The following VMP1 variants were observed in gnomAD, a reference collection of about 807,000 sequenced individuals.
VMP1 encodes the protein ectopic P-granules autophagy protein 3 homolog.
In VMP1, 11 loss-of-function variants were observed where a neutral mutation model predicts 56.0. That is an observed-to-expected ratio of 0.20 (90% CI 0.12 to 0.32). The LOEUF is 0.32. VMP1 is among the 10% of genes least tolerant of loss of function. The probability of loss-of-function intolerance (pLI) is 1.00; values close to 1 mark genes in which losing one functional copy is unlikely to be tolerated. For missense variants in VMP1, 296 were observed against 490.3 expected, an observed-to-expected ratio of 0.60 and a Z score of 3.74; for synonymous variants, 149 against 165.0, an observed-to-expected ratio of 0.90 and a Z score of 0.74.
At chr17:59,814,944 A>C (rs768557874) in intron 9 of VMP1, among the ~76,000 whole-genome samples, 7 of 152,180 alleles carry the variant, frequency 4.6e-5, no homozygotes, top group Non-Finnish European at 8.8e-5. Flanking sequence ...AAACAATATT[A>C]GTAATATAAA....
At chr17:59,723,639 T>C (rs2034483127) in intron 1 of VMP1, among the ~76,000 whole-genome samples, 1 of 152,188 alleles carries the variant, frequency 6.6e-6, no homozygotes, top group African/African-American at 2.4e-5. Context: ...TTTTGAGCAC[T>C]GTTTATGAAG....
At chr17:59,776,598 A>C (rs1017089076) in intron 7 of VMP1, among the ~76,000 whole-genome samples, 2 of 152,164 alleles carry the variant, frequency 1.3e-5, no homozygotes, top group Non-Finnish European at 2.9e-5. Flanking sequence ...TTACTTCCCA[A>C]ATTTCACATA....
chr17:59,807,288 C>T (rs924786397), intron 7 of VMP1, among the ~76,000 whole-genome samples: 5 of 151,102 alleles, frequency 3.3e-5, no homozygotes, highest in Non-Finnish European at 7.4e-5. Context: ...AACTCTGCCT[C>T]CCGGGTTTGC....
intron 10 of VMP1, among the ~76,000 whole-genome samples, chr17:59,835,417 G>A (rs2038948689): frequency 6.6e-6 from 1 of 151,906 alleles, no homozygotes; most frequent in South Asian, 2.1e-4. Flanking sequence ...GTGAGCCACT[G>A]CACCTGGCCA....
At chr17:59,710,415 T>TA (rs2033871447) in intron 1 of VMP1, among the ~76,000 whole-genome samples, 1 of 152,218 alleles carries the variant, frequency 6.6e-6, no homozygotes, top group Admixed American at 6.5e-5. Context: ...AACAAGGTTG[T>TA]ATCCAGGCAT....
At chr17:59,839,618 A>T in intron 11 of VMP1, 150 bp from the exon 12 acceptor site, 2 of 902,580 alleles carry the variant, frequency 2.2e-6, no homozygotes, top group South Asian at 1.8e-5. Flanking sequence ...AGAGTAATGG[A>T]GATTTCAGAG....
At chr17:59,729,726 C>A (rs1336908104) in intron 1 of VMP1, 1 of 145,940 alleles carries the variant, frequency 6.9e-6, no homozygotes, top group Non-Finnish European at 1.5e-5. Flanking sequence ...GTTCCTGTCA[C>A]CCAGGCTGGA....
chr17:59,816,953 A>C (rs2038257136), intron 9 of VMP1, among the ~76,000 whole-genome samples: 2 of 147,420 alleles, frequency 1.4e-5, no homozygotes, highest in Non-Finnish European at 3.0e-5. Context: ...CTCAAAAAAA[A>C]AAAAAGAAAA....
chr17:59,729,418 G>A (rs2034733208), intron 1 of VMP1, among the ~76,000 whole-genome samples: 1 of 150,868 alleles, frequency 6.6e-6, no homozygotes, highest in Non-Finnish European at 1.5e-5. Context: ...GGGAGGCAGA[G>A]GTTGCAGTGA....
intron 5 of VMP1, among the ~76,000 whole-genome samples, chr17:59,763,567 G>A (rs1033779428): frequency 1.3e-5 from 2 of 151,958 alleles, no homozygotes; most frequent in Admixed American, 1.3e-4. Context: ...AGAAAATGCC[G>A]ATTCTATTTA....
chr17:59,802,690 T>C (rs941375179), intron 7 of VMP1, among the ~76,000 whole-genome samples: 8 of 151,786 alleles, frequency 5.3e-5, no homozygotes, highest in Admixed American at 3.9e-4. Context: ...CTAGGCCTCC[T>C]GAGTAGCTAG....
chr17:59,743,848 A>C (rs2035319500), intron 5 of VMP1, among the ~76,000 whole-genome samples: 1 of 151,990 alleles, frequency 6.6e-6, no homozygotes, highest in Non-Finnish European at 1.5e-5. Context: ...CTGTGAACAA[A>C]GACAGTTTTT....
chr17:59,763,463 G>A (rs973946912), intron 5 of VMP1, among the ~76,000 whole-genome samples: 10 of 151,924 alleles, frequency 6.6e-5, no homozygotes, highest in Non-Finnish European at 1.3e-4. Flanking sequence ...GAGGAACAAA[G>A]GCTAAAACTT....
At position 59,738,060 on chromosome 17, in the gene VMP1, C is replaced by T. The variant is rs550498483; in HGVS notation, c.303+517C>T. ...ATGCTGGGATTACAGGCCACTCTGC[C>T]TGTAATCAAAGATTTAAATGTAACT... On this transcript the variant is annotated intron_variant, in intron 4 of 11. Coordinates refer to ENST00000262291, the MANE Select transcript of VMP1 (RefSeq NM_030938.5). Among the ~76,000 whole-genome samples the T allele has an allele frequency of 4.0e-4, 61 of 152,284 alleles. 1 individual carries two copies. The South Asian group carries it at 0.012, about 29-fold the overall frequency.
At chr17:59,749,018 C>T (rs368946450) in intron 5 of VMP1, among the ~76,000 whole-genome samples, 3 of 150,962 alleles carry the variant, frequency 2.0e-5, no homozygotes, top group Non-Finnish European at 2.9e-5. Context: ...GGTGCGATCT[C>T]GGCTCACTGC....
intron 7 of VMP1, among the ~76,000 whole-genome samples, chr17:59,794,219 C>CTTTTTTTTT: frequency 1.5e-5 from 1 of 64,646 alleles, no homozygotes; most frequent in African/African-American, 6.6e-5. Context: ...CGCACCCGGC[C>CTTTTTTTTT]TTTTTTTTTT....
chr17:59,773,417 A>G (rs1391514319), intron 6 of VMP1, among the ~76,000 whole-genome samples: 2 of 145,424 alleles, frequency 1.4e-5, no homozygotes, highest in African/African-American at 5.1e-5. Context: ...TTTTTTTTTC[A>G]TAGACAGGAA....
At chr17:59,746,392 G>A (rs2035424909) in intron 5 of VMP1, among the ~76,000 whole-genome samples, 1 of 152,148 alleles carries the variant, frequency 6.6e-6, no homozygotes, top group African/African-American at 2.4e-5. Context: ...GGCTGGTCTT[G>A]AACTCCTGGC....
At chr17:59,742,787 C>A (rs2035276201) in intron 5 of VMP1, among the ~76,000 whole-genome samples, 1 of 152,126 alleles carries the variant, frequency 6.6e-6, no homozygotes, top group African/African-American at 2.4e-5. Context: ...TGAGCTCTAC[C>A]TCCTGTTAGA....
Sources: allele counts gnomAD v4.1 joint callset (sites outside exome capture counted in the v4.1 genomes callset), GRCh38; gene constraint gnomAD v4.1.1; transcripts MANE v1.5; gene names NCBI Gene and HGNC (gene_info 2026-07-23, HGNC 2026-07-21).